The following COX11 variants were observed in gnomAD, a reference collection of about 807,000 sequenced individuals.
The protein encoded by COX11 is cytochrome c oxidase assembly protein COX11, mitochondrial.
In COX11, 18 loss-of-function variants were observed where a neutral mutation model predicts 29.4. That is an observed-to-expected ratio of 0.61 (90% CI 0.42 to 0.91). COX11 has a LOEUF of 0.91. Among genes scored for constraint, COX11 ranks in the 40% least tolerant of loss-of-function variants. The pLI, the probability that COX11 is intolerant of heterozygous loss-of-function variation, is 0.00. For synonymous variants in COX11, 131 were observed against 124.0 expected (o/e 1.06, Z -0.38); for missense variants, 312 against 346.0 (o/e 0.90, Z 0.78).
chr17:54,968,138 G>C, intron 1 of COX11, 143 bp downstream of exon 1: 1 of 1,333,308 alleles, frequency 7.5e-7, no homozygotes, highest in East Asian at 2.4e-5. Context: ...TTAAGTGACT[G>C]TTTTGAACCT....
At position 54,964,778 on chromosome 17, in the gene COX11, A is replaced by G. The variant is rs752081922; in HGVS notation, c.441T>C (p.Asp147=). 8.1e-6 allele frequency: 13 copies of G among 1,614,044 alleles called. No individual in the cohort carries two copies. The highest frequency in any genetic ancestry group is 1.1e-5 in the Non-Finnish European group (13 of 1,179,968). Residue 147 remains aspartate, a synonymous_variant, in exon 2 of 4, where the codon GAT becomes GAC. Transcript: ENST00000299335. ...CATTAAAGCTAATTTTAATGATTCG[A>G]TCTTTAACAGGCACCATGTTTTCAA... ...DKIENMVPVK[D]RIIKISFNAD...
At chr17:54,963,879 A>T (rs949673330) in intron 2 of COX11, among the ~76,000 whole-genome samples, 4 of 152,084 alleles carry the variant, frequency 2.6e-5, no homozygotes, top group Non-Finnish European at 5.9e-5. Context: ...TTATGCCACA[A>T]AGTGTTAATA....
Position 54,961,490 on chromosome 17 carries a change from A to G in COX11, c.*1243T>C. 9 of 1,436,592 alleles carry G rather than the reference A, an allele frequency of 6.3e-6. No individual in the cohort carries two copies. The South Asian group carries it at 1.3e-4, about 21-fold the overall frequency. 89.0% of individuals were successfully genotyped at this position (1,436,592 alleles called of 1,614,324 possible). A position where few individuals can be genotyped will look rare whatever the true frequency, so the allele number is the denominator to read the frequency against. ...AACTTCAGCAGAAGAAAAATTACTT[A>G]GTCCTTAGGCCAACCAATTTAACTG... On this transcript the variant is annotated 3_prime_UTR_variant, in exon 4 of 4. Transcript: ENST00000299335.
At chr17:54,968,037 G>A (rs926314903) in intron 1 of COX11, among the ~76,000 whole-genome samples, 9 of 133,518 alleles carry the variant, frequency 6.7e-5, no homozygotes, top group Non-Finnish European at 1.4e-4. Flanking sequence ...ATAGATCAGG[G>A]GTTTCACTCT....
At chr17:54,965,162 C>G (rs1360943631) in intron 1 of COX11, among the ~76,000 whole-genome samples, 1 of 152,156 alleles carries the variant, frequency 6.6e-6, no homozygotes, top group Non-Finnish European at 1.5e-5. Context: ...TCACAATTTC[C>G]AGCTTAGCCA....
At chr17:54,966,594 A>C (rs1466963915) in intron 1 of COX11, among the ~76,000 whole-genome samples, 3 of 152,196 alleles carry the variant, frequency 2.0e-5, no homozygotes, top group Non-Finnish European at 4.4e-5. Flanking sequence ...ATGTTGTGAC[A>C]ACCAAAAATG....
intron 3 of COX11, 85 bp from the exon 4 acceptor site, chr17:54,963,000 C>T: frequency 1.7e-6 from 2 of 1,185,746 alleles, no homozygotes; most frequent in South Asian, 1.5e-5. Context: ...CTTAGCATTC[C>T]AGTACACTTC....
chr17:54,966,993 A>T (rs115680233), intron 1 of COX11, among the ~76,000 whole-genome samples: 3 of 151,222 alleles, frequency 2.0e-5, no homozygotes, highest in Non-Finnish European at 4.4e-5. Flanking sequence ...TGAGCAACAT[A>T]GGGAGACCTC....
Position 54,968,078 on chromosome 17 carries a change from C to G in COX11, c.366+203G>C, listed in dbSNP as rs573503790. ...ATGGTATAAGCACAATCACTAAGAA[C>G]TGGATGCTACTTGCAGTTTTGTCAC... On this transcript the variant is annotated intron_variant, in intron 1 of 3. Transcript: ENST00000299335. Among the ~76,000 whole-genome samples the G allele has an allele frequency of 1.1e-4, 15 of 136,654 alleles. No individual in the cohort carries two copies. The South Asian group carries it at 3.1e-3, about 29-fold the overall frequency. The allele number at this position is 136,654 out of a possible 152,430, so 89.7% of individuals were successfully genotyped here.
intron 2 of COX11, 43 bp from the exon 3 acceptor site, chr17:54,963,474 C>T (rs1351959949): frequency 6.4e-7 from 1 of 1,560,690 alleles, no homozygotes; most frequent in African/African-American, 1.4e-5. Context: ...TTGAATCTCA[C>T]AAAGTTCCTC....
chr17:54,959,675 T>C (rs1266639052), downstream of COX11, among the ~76,000 whole-genome samples: 10 of 150,370 alleles, frequency 6.7e-5, no homozygotes, highest in Non-Finnish European at 1.3e-4. Context: ...TGGAGTGCAG[T>C]GGCACGATCT....
rs1247394003 is a variant in COX11, at chr17:54,962,745, T to C, written c.819A>G (p.Pro273=). The C allele has an allele frequency of 1.2e-6, 2 of 1,611,250 alleles. No homozygotes were observed. Among genetic ancestry groups the C allele is most frequent in the African/African-American group, 1.3e-5 (1 of 74,868 alleles). ...EAKEGHKLPV[P]GYN ...TTAGTTGCTGACTTCAATTATATCCTGGAACTGGCAACTTGTGCCCTTCCT... is the reference window on the plus strand; with the variant it reads ...TTAGTTGCTGACTTCAATTATATCCCGGAACTGGCAACTTGTGCCCTTCCT... Residue 273 remains proline (P), a synonymous_variant, in exon 4 of 4, where the codon CCA becomes CCG. Transcript: ENST00000299335.
At chr17:54,967,528 C>G (rs1414272774) in intron 1 of COX11, among the ~76,000 whole-genome samples, 2 of 152,052 alleles carry the variant, frequency 1.3e-5, no homozygotes, top group Non-Finnish European at 2.9e-5. Context: ...AACTTGCCCT[C>G]AAAATCAACT....
chr17:54,953,859 G>T (rs1447916282), exon 1 of COX11: 1 of 152,156 alleles, frequency 6.6e-6, no homozygotes, highest in Non-Finnish European at 1.5e-5. Context: ...GATGAAGTGA[G>T]ATTAAAGTAC....
At chr17:54,955,607 C>T (rs2049460008), downstream of COX11, among the ~76,000 whole-genome samples, 1 of 152,170 alleles carries the variant, frequency 6.6e-6, no homozygotes, top group African/African-American at 2.4e-5. Context: ...AGTTATACCA[C>T]GTAGGGAACA....
At chr17:54,963,465 T>TGA (rs1297089162) in intron 2 of COX11, 34 bp from the exon 3 acceptor site, 3 of 1,574,162 alleles carry the variant, frequency 1.9e-6, no homozygotes, top group Non-Finnish European at 2.6e-6. Context: ...ATCAATACTT[T>TGA]GAATCTCACA....
downstream of COX11, chr17:54,956,719 A>T (rs2049524876): frequency 6.6e-6 from 1 of 152,150 alleles, no homozygotes; most frequent in Non-Finnish European, 1.5e-5. Flanking sequence ...TGCTGGGATT[A>T]TAGGCATGAG....
Position 54,965,986 on chromosome 17 carries a change from A to T in COX11, c.367-1134T>A, listed in dbSNP as rs141029701. On this transcript the variant is annotated intron_variant, in intron 1 of 3. Transcript: ENST00000299335. ...GCTAGGGGAAGACTCCCAGCAAGAT[A>T]CAGTGTTTTAGCATTCTCTGTTTGT... 3.9e-5 allele frequency among the ~76,000 whole-genome samples: 6 copies of T among 152,314 alleles called. No homozygotes were observed. The East Asian group carries it at 1.2e-3, about 29-fold the overall frequency.
Position 54,961,130 on chromosome 17 carries a change from T to C in COX11, c.*1603A>G. The C allele has an allele frequency of 1.2e-6, 1 of 809,934 alleles. No individual in the cohort carries two copies. Among genetic ancestry groups the C allele is most frequent in the Admixed American group, 2.3e-5 (1 of 44,258 alleles). The allele number at this position is 809,934 out of a possible 1,614,324, so 50.2% of individuals were successfully genotyped here. On this transcript the variant is annotated 3_prime_UTR_variant, in exon 4 of 4. Transcript: ENST00000299335. ...AAGCACATTCTTACCTTTCTTCTAC[T>C]AGACTGTGACTCTCCAGCTTCCCAG...
Sources: allele counts gnomAD v4.1 joint callset (sites outside exome capture counted in the v4.1 genomes callset), GRCh38; gene constraint gnomAD v4.1.1; transcripts MANE v1.5; gene names NCBI Gene and HGNC (gene_info 2026-07-23, HGNC 2026-07-21).